PDS5A: variants seen among roughly 807,000 people sequenced by gnomAD.
The protein encoded by PDS5A is sister chromatid cohesion protein PDS5 homolog A.
In PDS5A, 42 loss-of-function variants were observed where a neutral mutation model predicts 167.1. The ratio of observed to expected loss-of-function variants is 0.25; its 90% CI spans 0.20 to 0.33. The LOEUF is 0.33. PDS5A is among the 10% of genes least tolerant of loss of function. PDS5A has a pLI of 1.00. For synonymous variants in PDS5A, 553 were observed against 554.6 expected (o/e 1.00, Z 0.04); for missense variants, 1,033 against 1,605.9 (o/e 0.64, Z 6.10).
chr4:39,858,507 C>T (rs147982409), intron 26 of PDS5A, among the ~76,000 whole-genome samples: 1,695 of 152,246 alleles, frequency 0.011, 14 homozygotes, highest in Non-Finnish European at 0.018. Flanking sequence ...TGGATATTCA[C>T]AAACAAAAGA....
chr4:39,838,670 C>T (rs1358823001), intron 31 of PDS5A, among the ~76,000 whole-genome samples: 1 of 151,986 alleles, frequency 6.6e-6, no homozygotes. Flanking sequence ...CTACAGTAAG[C>T]AGAGATTATG....
chr4:39,929,534 T>TATATATATAC (rs1725788942), intron 2 of PDS5A, among the ~76,000 whole-genome samples: 2 of 102,640 alleles, frequency 1.9e-5, no homozygotes, highest in African/African-American at 3.5e-5. Flanking sequence ...TATATATATA[T>TATATATATAC]ATATATATAT....
At chr4:39,927,886 A>C in intron 3 of PDS5A, 75 bp downstream of exon 3, 1 of 1,029,278 alleles carries the variant, frequency 9.7e-7, no homozygotes. Flanking sequence ...ATAAAGGTAA[A>C]ATATAAAAAT....
intron 26 of PDS5A, among the ~76,000 whole-genome samples, chr4:39,857,474 A>T (rs1193107415): frequency 6.6e-6 from 1 of 152,224 alleles, no homozygotes; most frequent in Non-Finnish European, 1.5e-5. Flanking sequence ...AATTCAACAA[A>T]AAACAAATAA....
intron 19 of PDS5A, among the ~76,000 whole-genome samples, chr4:39,875,108 A>G (rs920817873): frequency 6.6e-6 from 1 of 152,202 alleles, no homozygotes; most frequent in African/African-American, 2.4e-5. Flanking sequence ...CATTTCTTTC[A>G]AAATCCACAT....
At chr4:39,871,414 G>C (rs1720017617) in intron 21 of PDS5A, among the ~76,000 whole-genome samples, 1 of 152,190 alleles carries the variant, frequency 6.6e-6, no homozygotes, top group South Asian at 2.1e-4. Flanking sequence ...GCAAGGATAT[G>C]TAAGGGTAGA....
rs370746831 is a variant in PDS5A at position 39,899,253 on chromosome 4, T to A, written c.1582-428A>T. Among the ~76,000 whole-genome samples the A allele has an allele frequency of 2.7e-4, 41 of 152,274 alleles. 1 individual carries two copies. In the East Asian group the frequency reaches 6.9e-3, roughly 26 times the overall value. ...CAATAGAGTTCTGTTAGCTACTTTG[T>A]GGCCCGTTACTTAAATACCTTCAGG... On this transcript the variant is annotated intron_variant, in intron 14 of 32. Coordinates refer to ENST00000303538, the MANE Select transcript of PDS5A (RefSeq NM_001100399.2).
chr4:39,841,711 G>A (rs764657725), intron 31 of PDS5A, among the ~76,000 whole-genome samples: 12 of 152,196 alleles, frequency 7.9e-5, no homozygotes, highest in Admixed American at 1.3e-4. Flanking sequence ...GATTACAGGT[G>A]TAAGCCACTG....
At chr4:39,827,011 T>TC (rs1715386012) in intron 32 of PDS5A, among the ~76,000 whole-genome samples, 1 of 152,130 alleles carries the variant, frequency 6.6e-6, no homozygotes, top group African/African-American at 2.4e-5. Flanking sequence ...AAAGAATTTT[T>TC]TTTTTTTTGA....
At position 39,904,199 on chromosome 4, in the gene PDS5A, G is replaced by C. The variant is rs568235240; in HGVS notation, c.1234-8C>G. The C allele has an allele frequency of 1.9e-6, 3 of 1,592,134 alleles. No individual in the cohort carries two copies. In the South Asian group the frequency reaches 3.4e-5, roughly 18 times the overall value. ...TTCTTTTCTTACTCGCCACTAAAAA[G>C]CATAAAATTTATTAGATGAGCAAGA... is the stretch of plus-strand genomic sequence containing the variant. On this transcript the variant is annotated splice_region_variant and splice_polypyrimidine_tract_variant and intron_variant, in intron 11 of 32. Coordinates refer to ENST00000303538, the MANE Select transcript of PDS5A (RefSeq NM_001100399.2).
intron 29 of PDS5A, 83 bp downstream of exon 29, chr4:39,845,735 T>C: frequency 7.7e-7 from 1 of 1,294,958 alleles, no homozygotes; most frequent in Non-Finnish European, 1.0e-6. Context: ...TACAATCTAG[T>C]GGTCATTTAA....
At chr4:39,858,532 T>G (rs1273482878) in intron 26 of PDS5A, among the ~76,000 whole-genome samples, 1 of 152,210 alleles carries the variant, frequency 6.6e-6, no homozygotes, top group Non-Finnish European at 1.5e-5. Context: ...ATCTGAATGT[T>G]TACCTTATAC....
At chr4:39,913,861 T>G in intron 8 of PDS5A, 135 bp from the exon 9 acceptor site, 1 of 616,948 alleles carries the variant, frequency 1.6e-6, no homozygotes, top group Non-Finnish European at 2.9e-6. Context: ...TCATATGTCC[T>G]CACTTACTAT....
At chr4:39,935,962 A>G (rs1726557391) in intron 2 of PDS5A, among the ~76,000 whole-genome samples, 1 of 152,224 alleles carries the variant, frequency 6.6e-6, no homozygotes, top group Non-Finnish European at 1.5e-5. Flanking sequence ...GAAAATAACC[A>G]ACTGTCCTTC....
At chr4:39,925,254 G>A (rs1467016344) in intron 5 of PDS5A, among the ~76,000 whole-genome samples, 3 of 152,074 alleles carry the variant, frequency 2.0e-5, no homozygotes, top group Non-Finnish European at 2.9e-5. Flanking sequence ...CTCCTGTCCA[G>A]CAACTGGTCC....
At chr4:39,924,251 C>T (rs767089217) in intron 5 of PDS5A, among the ~76,000 whole-genome samples, 1 of 152,120 alleles carries the variant, frequency 6.6e-6, no homozygotes, top group Non-Finnish European at 1.5e-5. Flanking sequence ...GGTGCAAATC[C>T]AACCCAAATA....
At chr4:39,861,690 A>T (rs1719017076) in intron 26 of PDS5A, among the ~76,000 whole-genome samples, 1 of 152,164 alleles carries the variant, frequency 6.6e-6, no homozygotes, top group Admixed American at 6.6e-5. Context: ...ATTGCCTGGG[A>T]TGAAGAGGAA....
At chr4:39,950,996 T>G (rs1326315848) in intron 2 of PDS5A, among the ~76,000 whole-genome samples, 3 of 151,922 alleles carry the variant, frequency 2.0e-5, no homozygotes, top group African/African-American at 7.3e-5. Flanking sequence ...CTTGACCTCC[T>G]GGGCTCAAGC....
At chr4:39,945,035 G>C (rs1290446625) in intron 2 of PDS5A, among the ~76,000 whole-genome samples, 1 of 151,992 alleles carries the variant, frequency 6.6e-6, no homozygotes, top group East Asian at 1.9e-4. Flanking sequence ...TATGCGTCAG[G>C]TACATTTCAA....
Sources: gnomAD v4.1 joint callset for allele counts (sites outside exome capture counted in the v4.1 genomes callset) on GRCh38, gnomAD v4.1.1 for gene constraint, MANE v1.5 for transcripts, NCBI Gene and HGNC (gene_info 2026-07-23, HGNC 2026-07-21) for gene names.